Variants in CAMTA1 observed in about 807,000 individuals in gnomAD.
CAMTA1 encodes calmodulin-binding transcription activator 1.
A neutral mutation model predicts 170.9 loss-of-function variants in CAMTA1; 27 were observed. The ratio of observed to expected loss-of-function variants is 0.16; its 90% CI spans 0.12 to 0.22. CAMTA1 has a LOEUF of 0.22. Ranked by LOEUF, CAMTA1 falls within the 10% of genes least tolerant of loss-of-function variation. The pLI is 1.00. For missense variants in CAMTA1, 1,619 were observed against 2,217.2 expected, an observed-to-expected ratio of 0.73 and a Z score of 5.42; for synonymous variants, 833 against 891.5, an observed-to-expected ratio of 0.93 and a Z score of 1.17.
At chr1:6,981,050 C>G (rs979533465) in intron 3 of CAMTA1, among the ~76,000 whole-genome samples, 3 of 152,076 alleles carry the variant, frequency 2.0e-5, no homozygotes, top group African/African-American at 7.2e-5. Context: ...AGGGTACGTG[C>G]TGGCACAGTC....
intron 3 of CAMTA1, among the ~76,000 whole-genome samples, chr1:6,952,004 C>A (rs1186112979): frequency 2.0e-5 from 3 of 152,244 alleles, no homozygotes; most frequent in Admixed American, 6.5e-5. Context: ...CATCTCCCAC[C>A]TGTCCAGCCT....
chr1:7,090,346 T>C (rs879563168), intron 3 of CAMTA1, among the ~76,000 whole-genome samples: 7 of 152,194 alleles, frequency 4.6e-5, no homozygotes, highest in Non-Finnish European at 8.8e-5. Context: ...AGGAGCCCTC[T>C]AGGAACCCCG....
intron 6 of CAMTA1, among the ~76,000 whole-genome samples, chr1:7,589,634 A>G (rs2095340276): frequency 6.6e-6 from 1 of 152,120 alleles, no homozygotes; most frequent in South Asian, 2.1e-4. Flanking sequence ...TGCGGGGTAA[A>G]TCCTGCAAGG....
At chr1:7,544,128 A>C (rs555412847) in intron 6 of CAMTA1, among the ~76,000 whole-genome samples, 15 of 152,360 alleles carry the variant, frequency 9.8e-5, no homozygotes, top group African/African-American at 1.9e-4. Flanking sequence ...AAGAGGCTTA[A>C]TTGGACTTAC....
rs548804707 is a variant in CAMTA1 at position 7,523,024 on chromosome 1, G to A, written c.510+55123G>A. Among the ~76,000 whole-genome samples, 89 of 152,244 alleles carry A rather than the reference G, an allele frequency of 5.8e-4. 1 individual carries two copies. The South Asian group carries it at 0.015, about 25-fold the overall frequency. ...TAGAATTACAAGCATGCGCCACCAC[G>A]CCCAGCTAATTTTTGTATTTTTAGT... On this transcript the variant is annotated intron_variant, in intron 6 of 22. Transcript: ENST00000303635.
intron 5 of CAMTA1, among the ~76,000 whole-genome samples, chr1:7,267,706 C>G (rs747476101): frequency 1.3e-5 from 2 of 152,154 alleles, no homozygotes; most frequent in African/African-American, 2.4e-5. Context: ...CTGTGATGGG[C>G]TTTTGTCACA....
chr1:7,297,302 C>G (rs550710197), intron 5 of CAMTA1, among the ~76,000 whole-genome samples: 1 of 152,304 alleles, frequency 6.6e-6, no homozygotes, highest in Admixed American at 6.5e-5. Context: ...TCCTCTTGGT[C>G]TGGTCAGGCT....
At chr1:7,034,513 C>A (rs957458042) in intron 3 of CAMTA1, among the ~76,000 whole-genome samples, 1 of 152,222 alleles carries the variant, frequency 6.6e-6, no homozygotes, top group Non-Finnish European at 1.5e-5. Flanking sequence ...TCCTCATACA[C>A]GTGCACTGAT....
intron 3 of CAMTA1, among the ~76,000 whole-genome samples, chr1:7,000,785 A>G (rs1428853538): frequency 1.3e-5 from 2 of 151,554 alleles, no homozygotes; most frequent in African/African-American, 4.8e-5. Flanking sequence ...GGTGACTTCT[A>G]ATGGGCACCT....
At chr1:6,917,917 G>A (rs1276616797) in intron 3 of CAMTA1, among the ~76,000 whole-genome samples, 14 of 151,938 alleles carry the variant, frequency 9.2e-5, no homozygotes, top group Non-Finnish European at 2.1e-4. Flanking sequence ...GCAGGTGGAG[G>A]CCATGGGTCA....
intron 3 of CAMTA1, among the ~76,000 whole-genome samples, chr1:6,892,646 A>G (rs1274693740): frequency 7.2e-6 from 1 of 138,974 alleles, no homozygotes; most frequent in South Asian, 2.3e-4. Flanking sequence ...GCTTTTATAT[A>G]AATTCTATAC....
intron 10 of CAMTA1, among the ~76,000 whole-genome samples, chr1:7,672,729 G>A (rs891308334): frequency 3.9e-5 from 6 of 152,104 alleles, no homozygotes; most frequent in African/African-American, 1.4e-4. Context: ...TCTCTCTCAG[G>A]CTCTTCTTGC....
At chr1:7,744,105 G>T (rs1338541587) in intron 16 of CAMTA1, among the ~76,000 whole-genome samples, 1 of 143,924 alleles carries the variant, frequency 6.9e-6, no homozygotes, top group African/African-American at 2.6e-5. Flanking sequence ...GGGATTACAG[G>T]CGTGAGCCAC....
intron 3 of CAMTA1, among the ~76,000 whole-genome samples, chr1:6,907,668 G>T (rs907164824): frequency 2.0e-5 from 3 of 152,320 alleles, no homozygotes; most frequent in East Asian, 3.9e-4. Context: ...CGAGCAGCAG[G>T]TACGGGGCCA....
chr1:7,308,441 A>G (rs1675935179), intron 5 of CAMTA1, among the ~76,000 whole-genome samples: 1 of 152,018 alleles, frequency 6.6e-6, no homozygotes, highest in African/African-American at 2.4e-5. Context: ...AGGATGCTAT[A>G]TTATTGATTG....
intron 6 of CAMTA1, among the ~76,000 whole-genome samples, chr1:7,499,464 G>T (rs552434832): frequency 5.9e-5 from 8 of 135,240 alleles, no homozygotes; most frequent in Non-Finnish European, 1.3e-4. Flanking sequence ...GTGTGTGTGT[G>T]CATGTGTGTA....
intron 6 of CAMTA1, among the ~76,000 whole-genome samples, chr1:7,512,965 A>G (rs2094222618): frequency 6.6e-6 from 1 of 152,144 alleles, no homozygotes; most frequent in Non-Finnish European, 1.5e-5. Flanking sequence ...AGAAGGGAAG[A>G]TGGCAGGGGT....
At chr1:7,613,569 C>T (rs1245457071) in intron 6 of CAMTA1, among the ~76,000 whole-genome samples, 2 of 152,142 alleles carry the variant, frequency 1.3e-5, no homozygotes, top group Admixed American at 1.3e-4. Flanking sequence ...TCCTTGCCCA[C>T]AAGGAGGTGG....
chr1:7,648,557 C>G (rs111563194), intron 7 of CAMTA1, among the ~76,000 whole-genome samples: 1 of 152,158 alleles, frequency 6.6e-6, no homozygotes, highest in East Asian at 1.9e-4. Context: ...CACTTAGAGG[C>G]GTGTTCCAGG....
Sources: allele counts gnomAD v4.1 joint callset (sites outside exome capture counted in the v4.1 genomes callset), GRCh38; gene constraint gnomAD v4.1.1; transcripts MANE v1.5; gene names NCBI Gene and HGNC (gene_info 2026-07-23, HGNC 2026-07-21).